Variants in PDE8B observed in about 807,000 individuals in gnomAD.
The protein encoded by PDE8B is high affinity cAMP-specific and IBMX-insensitive 3',5'-cyclic phosphodiesterase 8B.
A neutral mutation model predicts 101.3 loss-of-function variants in PDE8B; 26 were observed. That is an observed-to-expected ratio of 0.26 (90% CI 0.19 to 0.36). The LOEUF is 0.36. Among genes scored for constraint, PDE8B ranks in the 10% least tolerant of loss-of-function variants. The probability of loss-of-function intolerance (pLI) is 1.00; values close to 1 mark genes in which losing one functional copy is unlikely to be tolerated. For synonymous variants in PDE8B, 424 were observed against 429.3 expected (o/e 0.99, Z 0.15); for missense variants, 810 against 1,163.1 (o/e 0.70, Z 4.42).
At chr5:77,311,341 A>G (rs1244915211) in intron 1 of PDE8B, among the ~76,000 whole-genome samples, 3 of 152,220 alleles carry the variant, frequency 2.0e-5, no homozygotes, top group Middle Eastern at 3.2e-3. Context: ...GAAGAGCCCT[A>G]TGCTCACTCC....
At chr5:77,321,266 T>G (rs1051355015) in intron 2 of PDE8B, among the ~76,000 whole-genome samples, 1 of 151,122 alleles carries the variant, frequency 6.6e-6, no homozygotes, top group African/African-American at 2.4e-5. Flanking sequence ...ATTCTCCTGC[T>G]TCAGCCTCCT....
At chr5:77,339,992 T>C (rs1778914721) in intron 6 of PDE8B, among the ~76,000 whole-genome samples, 1 of 152,218 alleles carries the variant, frequency 6.6e-6, no homozygotes, top group South Asian at 2.1e-4. Flanking sequence ...ATTTATGAAA[T>C]GGAGAGCGTC....
intron 9 of PDE8B, among the ~76,000 whole-genome samples, chr5:77,352,960 TGTG>T (rs1781438056): frequency 1.3e-5 from 2 of 152,202 alleles, no homozygotes; most frequent in Admixed American, 6.5e-5. Flanking sequence ...AGCCATGAAA[TGTG>T]GTCATTGTCC....
intron 2 of PDE8B, among the ~76,000 whole-genome samples, chr5:77,318,055 CAA>C (rs55952764): frequency 1.3e-3 from 75 of 57,170 alleles, no homozygotes; most frequent in African/African-American, 4.8e-3. Context: ...GACTCCATCT[CAA>C]AAAAAAAAAA....
At chr5:77,380,241 C>T (rs1034632046) in intron 10 of PDE8B, among the ~76,000 whole-genome samples, 3 of 152,162 alleles carry the variant, frequency 2.0e-5, no homozygotes, top group African/African-American at 4.8e-5. Flanking sequence ...ATTTAAAAAT[C>T]ACTTCCTGTT....
At chr5:77,232,368 T>C (rs1753758435) in intron 1 of PDE8B, among the ~76,000 whole-genome samples, 1 of 152,230 alleles carries the variant, frequency 6.6e-6, no homozygotes. Context: ...GTCTTTCAGA[T>C]TGGCAGAGGG....
chr5:77,223,209 G>A, intron 1 of PDE8B, among the ~76,000 whole-genome samples: 1 of 151,930 alleles, frequency 6.6e-6, no homozygotes, highest in Non-Finnish European at 1.5e-5. Context: ...ATTTGTTAAT[G>A]AGATAGTTTA....
At chr5:77,421,220 C>T (rs1044809170) in intron 19 of PDE8B, among the ~76,000 whole-genome samples, 4 of 152,158 alleles carry the variant, frequency 2.6e-5, no homozygotes, top group African/African-American at 9.7e-5. Flanking sequence ...GGCTCACTTA[C>T]CAGCCAGTCA....
At chr5:77,111,154 TC>T in the PDE8B span, among the ~76,000 whole-genome samples, 1 of 152,192 alleles carries the variant, frequency 6.6e-6, no homozygotes. Flanking sequence ...TATAATTGCA[TC>T]TAGGAAGTTA....
At chr5:77,191,713 T>C in the PDE8B span, among the ~76,000 whole-genome samples, 1 of 152,212 alleles carries the variant, frequency 6.6e-6, no homozygotes, top group Admixed American at 6.5e-5. Flanking sequence ...ACCAATTTTG[T>C]GGAAGACAAT....
chr5:77,318,456 T>G (rs944394791), intron 2 of PDE8B, among the ~76,000 whole-genome samples: 2 of 152,220 alleles, frequency 1.3e-5, no homozygotes, highest in African/African-American at 2.4e-5. Flanking sequence ...CCAGCCTCGG[T>G]TCACATCTTG....
chr5:77,413,880 G>A (rs1412720785), intron 17 of PDE8B, among the ~76,000 whole-genome samples: 1 of 152,136 alleles, frequency 6.6e-6, no homozygotes, highest in East Asian at 1.9e-4. Context: ...TTGTAGGGCA[G>A]CCCTAGGAAC....
At chr5:77,258,289 CA>C (rs70988662) in intron 1 of PDE8B, among the ~76,000 whole-genome samples, 36,510 of 88,292 alleles carry the variant, frequency 0.41, 4,727 homozygotes, top group South Asian at 0.49. Flanking sequence ...GACTCCATCT[CA>C]AAAAAAAAAA....
At chr5:77,219,954 G>T (rs1270030995) in intron 1 of PDE8B, among the ~76,000 whole-genome samples, 1 of 152,226 alleles carries the variant, frequency 6.6e-6, no homozygotes, top group Admixed American at 6.5e-5. Flanking sequence ...TCTGTCATGT[G>T]CAGCCTCAGA....
At chr5:77,148,119 A>C in the PDE8B span, 1 of 152,252 alleles carries the variant, frequency 6.6e-6, no homozygotes, top group Non-Finnish European at 1.5e-5. Flanking sequence ...ACACTTATAT[A>C]GTCAAATACT....
intron 1 of PDE8B, 135 bp from the exon 2 acceptor site, chr5:77,311,859 C>A: frequency 1.3e-6 from 1 of 794,086 alleles, no homozygotes; most frequent in South Asian, 1.3e-5. Flanking sequence ...GCTTGGTAAC[C>A]CATCTCCAGT....
intron 10 of PDE8B, among the ~76,000 whole-genome samples, chr5:77,372,579 A>G (rs754536157): frequency 1.3e-5 from 2 of 152,248 alleles, no homozygotes; most frequent in African/African-American, 2.4e-5. Flanking sequence ...AAGATTTTTC[A>G]TAAGAAGATC....
the PDE8B span, chr5:77,140,039 G>A: frequency 6.6e-6 from 1 of 152,040 alleles, no homozygotes; most frequent in Admixed American, 6.6e-5. Context: ...GTGAAGATCT[G>A]TATGCCTTGG....
chr5:77,224,873 T>C (rs1751974600), intron 1 of PDE8B, among the ~76,000 whole-genome samples: 1 of 152,220 alleles, frequency 6.6e-6, no homozygotes, highest in Admixed American at 6.5e-5. Context: ...ATTACATTCC[T>C]GTGGTATCAT....
Sources: allele counts gnomAD v4.1 joint callset (sites outside exome capture counted in the v4.1 genomes callset), GRCh38; gene constraint gnomAD v4.1.1; transcripts MANE v1.5; gene names NCBI Gene and HGNC (gene_info 2026-07-23, HGNC 2026-07-21).